The following U2AF2 variants were observed in gnomAD, a reference collection of about 807,000 sequenced individuals.
U2AF2 encodes U2 small nuclear RNA auxiliary factor 2.
U2AF2 carries 6 observed loss-of-function variants against 52.6 expected under a neutral mutation model. That is an observed-to-expected ratio of 0.11 (90% CI 0.06 to 0.23). The LOEUF is 0.23. U2AF2 is among the 10% of genes least tolerant of loss of function. The pLI, the probability that U2AF2 is intolerant of heterozygous loss-of-function variation, is 1.00. For synonymous variants in U2AF2, 284 were observed against 258.2 expected (o/e 1.10, Z -0.96); for missense variants, 222 against 677.1 (o/e 0.33, Z 7.46).
At chr19:55,659,189 C>T in intron 1 of U2AF2, 21 bp from the exon 2 acceptor site, 2 of 1,530,468 alleles carry the variant, frequency 1.3e-6, no homozygotes, top group South Asian at 1.2e-5. Flanking sequence ...ATCCCGTGCC[C>T]CTCCTCTCAC....
intron 3 of U2AF2, 27 bp from the exon 4 acceptor site, chr19:55,660,489 C>T (rs772674089): frequency 2.0e-6 from 2 of 994,388 alleles, no homozygotes; most frequent in East Asian, 2.4e-5. Context: ...GTTGCCCTGC[C>T]CCGCTCTCCC....
chr19:55,657,002 G>C (rs909164683), intron 1 of U2AF2, among the ~76,000 whole-genome samples: 1 of 152,210 alleles, frequency 6.6e-6, no homozygotes, highest in African/African-American at 2.4e-5. Context: ...AGTCTTAAAG[G>C]CTAAGTTGCT....
chr19:55,674,152 T>C lies in U2AF2; in HGVS notation c.*84T>C, dbSNP rs1985127545. ...CCCCCTTATCCCCCTCTGAAGACGA[T>C]GGGCAGAGGAGTGACAGCCGCAGAC... On this transcript the variant is annotated 3_prime_UTR_variant, in exon 12 of 12. Transcript: ENST00000308924. 3.3e-6 allele frequency: 4 copies of C among 1,230,404 alleles called. No individual in the cohort carries two copies. The allele number at this position is 1,230,404 out of a possible 1,614,324, so 76.2% of individuals were successfully genotyped here. A position where few individuals can be genotyped will look rare whatever the true frequency, so the allele number is the denominator to read the frequency against.
At chr19:55,656,661 C>T (rs952984747) in intron 1 of U2AF2, among the ~76,000 whole-genome samples, 1 of 152,178 alleles carries the variant, frequency 6.6e-6, no homozygotes, top group Non-Finnish European at 1.5e-5. Context: ...CTTTTAACAG[C>T]CTTGTGAGGC....
chr19:55,661,617 C>T (rs1424546401), intron 5 of U2AF2, among the ~76,000 whole-genome samples: 1 of 151,364 alleles, frequency 6.6e-6, no homozygotes, highest in African/African-American at 2.4e-5. Context: ...CTCTCCCCCA[C>T]GTCCCTCCCA....
rs376297665 is a variant in U2AF2 at position 55,661,186 on chromosome 19, T to C, written c.483T>C (p.Thr161=). ...LYVGNIPFGI[T]EEAMMDFFNA... ...TGGGCAACATCCCCTTTGGCATCAC[T>C]GAGGTACTGCCCTCCCCTGCCCCCT... Residue 161 remains threonine, a synonymous_variant, in exon 5 of 12, where the codon ACT becomes ACC. Transcript: ENST00000308924. 1.2e-4 allele frequency: 191 copies of C among 1,599,652 alleles called. No individual in the cohort carries two copies. Among genetic ancestry groups the C allele is most frequent in the Non-Finnish European group, 1.8e-5 (21 of 1,172,324 alleles).
At chr19:55,669,334 A>T in intron 10 of U2AF2, 110 bp from the exon 11 acceptor site, 1 of 1,543,324 alleles carries the variant, frequency 6.5e-7, no homozygotes, top group South Asian at 1.2e-5. Flanking sequence ...AGGTGTTGGA[A>T]GTGGAGAGAT....
In U2AF2 at chr19:55,668,012, G is replaced by A. The variant is rs896446324; in HGVS notation, c.743-495G>A. 5.9e-5 allele frequency among the ~76,000 whole-genome samples: 9 copies of A among 152,174 alleles called. No individual in the cohort carries two copies. The East Asian group carries it at 1.7e-3, about 29-fold the overall frequency. On this transcript the variant is annotated intron_variant, in intron 7 of 11. Transcript: ENST00000308924. This position sits in a 1 kb window ranked among gnomAD's most constrained non-coding sequence, Gnocchi z 5.5. ...GTTGGACAGGATGGTCTTATCTCTT[G>A]ACCTTGTGATCTGCCCGCCTTGGCC...
At chr19:55,664,419 A>C (rs1600077883) in intron 7 of U2AF2, among the ~76,000 whole-genome samples, 1 of 152,208 alleles carries the variant, frequency 6.6e-6, no homozygotes, top group African/African-American at 2.4e-5. Context: ...GAAAGCTTGC[A>C]GGATGTGCAA....
Position 55,668,621 on chromosome 19 carries a change from C to CCCCCCCCCCCCCCCCA in U2AF2, c.822+35_822+36insCCCCCCCCCCCCCCCA. 6.3e-7 allele frequency: 1 copy of CCCCCCCCCCCCCCCCA among 1,596,606 alleles called. No homozygotes were observed. The highest frequency in any genetic ancestry group is 1.3e-5 in the African/African-American group (1 of 74,580). On this transcript the variant is annotated intron_variant, in intron 8 of 11. Coordinates refer to ENST00000308924, the MANE Select transcript of U2AF2 (RefSeq NM_007279.3). This position sits in a 1 kb window ranked among gnomAD's most constrained non-coding sequence, Gnocchi z 5.5. ...CTGCCTCCCTCCAGACCCGTCCCCC[C>CCCCCCCCCCCCCCCCA]ACCCCGCCCCACCTCATCCCAGCCC...
rs1426493583 is a variant in U2AF2 at position 55,674,596 on chromosome 19, C to CTAAA, written c.*529_*530insAAAT. 1 of 153,774 alleles carries CTAAA rather than the reference C, an allele frequency of 6.5e-6. No homozygotes were observed. Among genetic ancestry groups the CTAAA allele is most frequent in the East Asian group, 1.9e-4 (1 of 5,210 alleles). The allele number at this position is 153,774 out of a possible 1,614,324, so 9.5% of individuals were successfully genotyped here. A position where few individuals can be genotyped will look rare whatever the true frequency, so the allele number is the denominator to read the frequency against. ...GTTTCTTACGTAGTTGATTTTTCCT[C>CTAAA]TTTAGTCTCCCCCGACCTGCGCCCA... On this transcript the variant is annotated 3_prime_UTR_variant, in exon 12 of 12. Coordinates refer to ENST00000308924, the MANE Select transcript of U2AF2 (RefSeq NM_007279.3).
At chr19:55,664,881 C>G (rs914067357) in intron 7 of U2AF2, among the ~76,000 whole-genome samples, 11 of 152,052 alleles carry the variant, frequency 7.2e-5, no homozygotes, top group African/African-American at 2.7e-4. Flanking sequence ...CCATGTCTGG[C>G]TAATTTTTGT....
chr19:55,659,304 C>T lies in U2AF2; in HGVS notation c.144C>T (p.Asn48=), dbSNP rs1406547724. The T allele has an allele frequency of 1.9e-6, 3 of 1,587,634 alleles. No individual in the cohort carries two copies. In the African/African-American group the frequency reaches 4.1e-5, roughly 21 times the overall value. Residue 48 remains asparagine, a synonymous_variant, in exon 2 of 12, where the codon AAC becomes AAT. Coordinates refer to ENST00000308924, the MANE Select transcript of U2AF2 (RefSeq NM_007279.3). ...GGAGCCGGAGCCGCGACCGGCGCAA[C>T]CGGGACCAGCGGAGCGCCTCCCGGG... ...KRRSRSRDRR[N]RDQRSASRDR...
rs1272544344 is a variant in U2AF2 at position 55,668,834 on chromosome 19, C to T, written c.945+42C>T. The T allele has an allele frequency of 2.5e-6, 4 of 1,582,056 alleles. No individual in the cohort carries two copies. The highest frequency in any genetic ancestry group is 3.4e-5 in the Admixed American group (2 of 58,410). Reference sequence around the variant, plus strand: ...TGGCCGCTGCCGCGTCTGTCCTTCCCTGCCCTGCGCTGTTGCCAAGCCATG... The same window carrying T: ...TGGCCGCTGCCGCGTCTGTCCTTCCTTGCCCTGCGCTGTTGCCAAGCCATG... On this transcript the variant is annotated intron_variant, in intron 9 of 11. Transcript: ENST00000308924. This position sits in a 1 kb window ranked among gnomAD's most constrained non-coding sequence, Gnocchi z 5.5.
chr19:55,659,390 G>A (rs1489358919), intron 2 of U2AF2, 45 bp downstream of exon 2: 2 of 1,439,008 alleles, frequency 1.4e-6, no homozygotes, highest in African/African-American at 1.5e-5. Context: ...GGAGTCGGGG[G>A]GTCGGTGTTG....
Position 55,674,151 on chromosome 19 carries a change from A to C in U2AF2, c.*83A>C. The C allele has an allele frequency of 7.9e-7, 1 of 1,261,070 alleles. No homozygotes were observed. The highest frequency in any genetic ancestry group is 1.0e-6 in the Non-Finnish European group (1 of 977,562). 78.1% of individuals were successfully genotyped at this position (1,261,070 alleles called of 1,614,324 possible). ...CCCCCCTTATCCCCCTCTGAAGACG[A>C]TGGGCAGAGGAGTGACAGCCGCAGA... On this transcript the variant is annotated 3_prime_UTR_variant, in exon 12 of 12. Transcript: ENST00000308924.
intron 1 of U2AF2, among the ~76,000 whole-genome samples, chr19:55,656,231 T>C (rs968339986): frequency 7.9e-5 from 12 of 152,230 alleles, no homozygotes; most frequent in African/African-American, 2.2e-4. Context: ...TGGAGACTTG[T>C]TTCTTTTCAG....
chr19:55,658,992 C>T (rs1285478152), intron 1 of U2AF2: 3 of 590,338 alleles, frequency 5.1e-6, no homozygotes, highest in Non-Finnish European at 7.6e-6. Flanking sequence ...GTATCTTACA[C>T]CCCGGGGGCA....
At chr19:55,661,320 A>G (rs1412632165) in intron 5 of U2AF2, 131 bp downstream of exon 5, 2 of 1,068,396 alleles carry the variant, frequency 1.9e-6, no homozygotes, top group Admixed American at 3.5e-5. Flanking sequence ...CCCCTCCCAG[A>G]CGGACCGATG....
Sources: allele counts gnomAD v4.1 joint callset (sites outside exome capture counted in the v4.1 genomes callset), GRCh38; gene constraint gnomAD v4.1.1; non-coding constraint Gnocchi (gnomAD v3.1); transcripts MANE v1.5; gene names NCBI Gene and HGNC (gene_info 2026-07-23, HGNC 2026-07-21).